The following BACH2 variants were observed in gnomAD, a reference collection of about 807,000 sequenced individuals.
The protein encoded by BACH2 is transcription regulator protein BACH2.
A neutral mutation model predicts 61.8 loss-of-function variants in BACH2; 5 were observed. That is an observed-to-expected ratio of 0.08 (90% CI 0.04 to 0.17). The LOEUF (loss-of-function observed/expected upper bound fraction) is 0.17. BACH2 is among the 10% of genes least tolerant of loss of function. BACH2 has a pLI of 1.00. For missense variants in BACH2, 824 were observed against 1,091.1 expected (o/e 0.76, Z 3.45); for synonymous variants, 446 against 440.1 (o/e 1.01, Z -0.17).
chr6:90,053,767 T>C (rs550575554), intron 5 of BACH2, among the ~76,000 whole-genome samples: 1 of 152,256 alleles, frequency 6.6e-6, no homozygotes, highest in South Asian at 2.1e-4. Context: ...GATTTAGTCA[T>C]TGCTGTTGAG....
chr6:90,018,615 C>T (rs745603001), intron 5 of BACH2, among the ~76,000 whole-genome samples: 2 of 152,162 alleles, frequency 1.3e-5, no homozygotes, highest in Non-Finnish European at 2.9e-5. Flanking sequence ...TACAGCTACT[C>T]CAAACACTTT....
chr6:89,957,484 C>A (rs1774488598), intron 6 of BACH2, among the ~76,000 whole-genome samples: 1 of 152,168 alleles, frequency 6.6e-6, no homozygotes, highest in Non-Finnish European at 1.5e-5. Context: ...CCTGCCTCAG[C>A]CTCCCAAAGT....
At chr6:90,005,296 C>T (rs1051264012) in intron 6 of BACH2, among the ~76,000 whole-genome samples, 5 of 151,964 alleles carry the variant, frequency 3.3e-5, no homozygotes, top group East Asian at 1.9e-4. Context: ...AGGAGCACAG[C>T]GGTTGGCTGC....
At chr6:90,080,295 G>A (rs1260006311) in intron 5 of BACH2, among the ~76,000 whole-genome samples, 2 of 151,970 alleles carry the variant, frequency 1.3e-5, no homozygotes, top group African/African-American at 2.4e-5. Context: ...TTTAGTCTGC[G>A]GTGGCACCAC....
chr6:89,988,807 A>G (rs1776382104), intron 6 of BACH2, among the ~76,000 whole-genome samples: 1 of 152,232 alleles, frequency 6.6e-6, no homozygotes, highest in East Asian at 1.9e-4. Flanking sequence ...GCAAAAAAGA[A>G]GTTCATGCAA....
At chr6:90,157,110 A>G (rs565048079) in intron 4 of BACH2, among the ~76,000 whole-genome samples, 40 of 152,378 alleles carry the variant, frequency 2.6e-4, no homozygotes, top group African/African-American at 8.2e-4. Context: ...CTCCTTAGAG[A>G]AGAGCTTGCC....
chr6:90,089,545 G>A (rs767360018), intron 4 of BACH2, among the ~76,000 whole-genome samples: 8 of 152,066 alleles, frequency 5.3e-5, no homozygotes, highest in Non-Finnish European at 7.4e-5. Flanking sequence ...AATTCTGACC[G>A]AAATGAGATG....
chr6:89,940,200 C>T (rs934816735), intron 7 of BACH2, among the ~76,000 whole-genome samples: 4 of 151,584 alleles, frequency 2.6e-5, no homozygotes, highest in Admixed American at 6.6e-5. Flanking sequence ...AGTAGAGATG[C>T]GGTTTTGCCA....
chr6:89,969,728 A>T (rs1380802937), intron 6 of BACH2, among the ~76,000 whole-genome samples: 1 of 152,194 alleles, frequency 6.6e-6, no homozygotes, highest in African/African-American at 2.4e-5. Flanking sequence ...ATAAAAGGGA[A>T]TGACATGACA....
chr6:90,264,720 C>T (rs1771269165), intron 2 of BACH2, among the ~76,000 whole-genome samples: 1 of 152,126 alleles, frequency 6.6e-6, no homozygotes, highest in Non-Finnish European at 1.5e-5. Context: ...CACAGCCAGG[C>T]ATTTTTCTCC....
chr6:90,007,876 G>A (rs1777497439), intron 6 of BACH2, among the ~76,000 whole-genome samples: 1 of 152,220 alleles, frequency 6.6e-6, no homozygotes, highest in Non-Finnish European at 1.5e-5. Flanking sequence ...TAGTCCCATA[G>A]GAATGACGGA....
chr6:90,205,281 G>C (rs543305422), intron 4 of BACH2, among the ~76,000 whole-genome samples: 1 of 152,182 alleles, frequency 6.6e-6, no homozygotes, highest in South Asian at 2.1e-4. Flanking sequence ...CATACAACAG[G>C]CCCACAATAA....
chr6:90,201,235 G>A (rs1367584659), intron 4 of BACH2, among the ~76,000 whole-genome samples: 1 of 152,172 alleles, frequency 6.6e-6, no homozygotes, highest in African/African-American at 2.4e-5. Flanking sequence ...GGGACAAAAG[G>A]TATGTCAATT....
At chr6:90,049,524 C>T (rs931726093) in intron 5 of BACH2, among the ~76,000 whole-genome samples, 2 of 152,122 alleles carry the variant, frequency 1.3e-5, no homozygotes, top group Non-Finnish European at 2.9e-5. Flanking sequence ...ATTTTATTTT[C>T]ATGGTCATAC....
intron 4 of BACH2, among the ~76,000 whole-genome samples, chr6:90,162,267 T>C (rs1183272653): frequency 2.0e-5 from 3 of 152,182 alleles, no homozygotes; most frequent in East Asian, 1.9e-4. Flanking sequence ...CTCTCATCTA[T>C]CAGAAAATTT....
rs551497542 is a variant in BACH2, at chr6:90,230,093, G to A, written c.-275+22420C>T. 3.0e-4 allele frequency among the ~76,000 whole-genome samples: 45 copies of A among 152,312 alleles called. No individual in the cohort carries two copies. The South Asian group carries it at 9.1e-3, about 31-fold the overall frequency. On this transcript the variant is annotated intron_variant, in intron 3 of 8. Coordinates refer to ENST00000257749, the MANE Select transcript of BACH2 (RefSeq NM_021813.4). The stretch of plus-strand genomic sequence containing the variant: ...ATATTTCTAAAGTTCCCCAGGTGTG[G>A]TTATGTCATATGAGTGAGGAGAACC...
At chr6:90,183,295 CA>C (rs1277667160) in intron 4 of BACH2, among the ~76,000 whole-genome samples, 1 of 152,206 alleles carries the variant, frequency 6.6e-6, no homozygotes, top group Non-Finnish European at 1.5e-5. Context: ...CCAGATTTAT[CA>C]TTATGTTTAC....
chr6:89,992,691 T>C lies in BACH2; in HGVS notation c.243+15911A>G, dbSNP rs1362159338. ...AACAAACAAAAAAAAACAAAGAAATTACTCCACATCGGTTCACAGAGAACT... is the reference window on the plus strand; with the variant it reads ...AACAAACAAAAAAAAACAAAGAAATCACTCCACATCGGTTCACAGAGAACT... On this transcript the variant is annotated intron_variant, in intron 6 of 8. Transcript: ENST00000257749. Among the ~76,000 whole-genome samples the C allele has an allele frequency of 2.6e-5, 4 of 152,052 alleles. No individual in the cohort carries two copies. The East Asian group carries it at 7.7e-4, about 29-fold the overall frequency.
intron 4 of BACH2, among the ~76,000 whole-genome samples, chr6:90,156,587 T>A (rs1293957733): frequency 6.6e-6 from 1 of 152,130 alleles, no homozygotes; most frequent in East Asian, 1.9e-4. Context: ...AAGAAAATAA[T>A]GAGAGAACAC....
Sources: gnomAD v4.1 joint callset for allele counts (sites outside exome capture counted in the v4.1 genomes callset) on GRCh38, gnomAD v4.1.1 for gene constraint, MANE v1.5 for transcripts, NCBI Gene and HGNC (gene_info 2026-07-23, HGNC 2026-07-21) for gene names.